The following PEPD variants were observed in gnomAD, a reference collection of about 807,000 sequenced individuals.
The protein encoded by PEPD is peptidase D, also known as xaa-Pro dipeptidase.
A neutral mutation model predicts 60.7 loss-of-function variants in PEPD; 53 were observed. The observed-to-expected ratio is 0.87, with a 90% confidence interval of 0.70 to 1.10. The LOEUF (loss-of-function observed/expected upper bound fraction) is 1.10, where lower values mean the gene tolerates loss of function less well. Among genes scored for constraint, PEPD ranks in the 50% least tolerant of loss-of-function variants. The pLI, the probability that PEPD is intolerant of heterozygous loss-of-function variation, is 0.00. For missense variants in PEPD, 711 were observed against 711.9 expected (o/e 1.00, Z 0.01); for synonymous variants, 267 against 284.1 (o/e 0.94, Z 0.60).
At chr19:33,412,953 C>T (rs1968810247) in intron 10 of PEPD, among the ~76,000 whole-genome samples, 1 of 152,232 alleles carries the variant, frequency 6.6e-6, no homozygotes, top group African/African-American at 2.4e-5. Flanking sequence ...GCAATGATCC[C>T]ATATCACTGT....
intron 3 of PEPD, among the ~76,000 whole-genome samples, chr19:33,504,008 C>T (rs969550628): frequency 6.6e-6 from 1 of 152,160 alleles, no homozygotes; most frequent in Non-Finnish European, 1.5e-5. Context: ...GCCTCCCAAG[C>T]CAGAGGTCTG....
intron 12 of PEPD, among the ~76,000 whole-genome samples, chr19:33,398,321 G>A (rs1968413688): frequency 6.6e-6 from 1 of 152,242 alleles, no homozygotes; most frequent in African/African-American, 2.4e-5. Context: ...CTTGCAGCCT[G>A]GGGCTCTGAC....
chr19:33,461,493 C>A (rs1397742566), intron 9 of PEPD, among the ~76,000 whole-genome samples: 2 of 152,040 alleles, frequency 1.3e-5, no homozygotes, highest in African/African-American at 4.8e-5. Context: ...GGGAGCAGGA[C>A]TGCCTGCAGC....
At chr19:33,397,478 C>A (rs1968392030) in intron 12 of PEPD, among the ~76,000 whole-genome samples, 1 of 152,104 alleles carries the variant, frequency 6.6e-6, no homozygotes, top group Non-Finnish European at 1.5e-5. Flanking sequence ...AGGCGACCTG[C>A]CCCATCCGGA....
chr19:33,401,889 G>T lies in PEPD; in HGVS notation c.819-20C>A. Reference sequence around the variant, plus strand: ...AACAGGCTGCGGAGAGAGGAAGGCAGGGCAAGTGGGTACTGGGGTGCCACC... The same window carrying T: ...AACAGGCTGCGGAGAGAGGAAGGCATGGCAAGTGGGTACTGGGGTGCCACC... On this transcript the variant is annotated intron_variant, in intron 11 of 14. Coordinates refer to ENST00000244137, the MANE Select transcript of PEPD (RefSeq NM_000285.4). The T allele has an allele frequency of 1.2e-6, 2 of 1,611,898 alleles. No individual in the cohort carries two copies. Among genetic ancestry groups the T allele is most frequent in the Non-Finnish European group, 1.7e-6 (2 of 1,179,366 alleles).
At chr19:33,518,118 C>T (rs1017807932) in intron 1 of PEPD, among the ~76,000 whole-genome samples, 6 of 152,282 alleles carry the variant, frequency 3.9e-5, no homozygotes, top group East Asian at 1.9e-4. Context: ...GGCACCAGAC[C>T]GTAAGCGCCA....
chr19:33,498,258 C>T (rs377247626), intron 4 of PEPD, among the ~76,000 whole-genome samples: 18 of 152,096 alleles, frequency 1.2e-4, no homozygotes, highest in Admixed American at 9.2e-4. Context: ...GGGGTGCTCC[C>T]GAACCCTAAA....
intron 1 of PEPD, 87 bp downstream of exon 1, chr19:33,521,657 G>T (rs1023502949): frequency 2.8e-6 from 4 of 1,407,050 alleles, no homozygotes; most frequent in South Asian, 2.5e-5. Context: ...CAGCGACCCC[G>T]GCTGACGCTC....
chr19:33,486,481 C>A (rs932191486), intron 6 of PEPD, among the ~76,000 whole-genome samples: 4 of 152,168 alleles, frequency 2.6e-5, no homozygotes, highest in African/African-American at 9.6e-5. Context: ...GTCATCACAC[C>A]GAGCCACATC....
At chr19:33,413,935 C>G (rs1302147398) in intron 9 of PEPD, among the ~76,000 whole-genome samples, 1 of 152,224 alleles carries the variant, frequency 6.6e-6, no homozygotes, top group Non-Finnish European at 1.5e-5. Flanking sequence ...CGAGTGGCTT[C>G]CCAGGCACAT....
chr19:33,453,317 A>AAAAAAAAATAAT (rs1555762504), intron 9 of PEPD, among the ~76,000 whole-genome samples: 34 of 148,656 alleles, frequency 2.3e-4, no homozygotes, highest in Non-Finnish European at 4.2e-4. Flanking sequence ...CTGTCATAAA[A>AAAAAAAAATAAT]AAATAAATAA....
intron 9 of PEPD, among the ~76,000 whole-genome samples, chr19:33,459,980 G>A (rs1036267231): frequency 9.9e-5 from 15 of 152,114 alleles, no homozygotes; most frequent in African/African-American, 3.1e-4. Flanking sequence ...AAGAGCGGCT[G>A]GTTTCCTTTG....
At chr19:33,484,934 T>C (rs1395318225) in intron 6 of PEPD, among the ~76,000 whole-genome samples, 1 of 152,188 alleles carries the variant, frequency 6.6e-6, no homozygotes, top group East Asian at 1.9e-4. Flanking sequence ...CATGTATTAA[T>C]CGTGTAAAAG....
chr19:33,500,903 C>G (rs1242964469), intron 4 of PEPD, 35 bp downstream of exon 4: 4 of 1,268,152 alleles, frequency 3.2e-6, no homozygotes, highest in Non-Finnish European at 4.6e-6. Context: ...ATGCTGGAAG[C>G]CCTGGGCTGC....
chr19:33,431,327 C>T (rs971742703), intron 9 of PEPD, among the ~76,000 whole-genome samples: 12 of 152,182 alleles, frequency 7.9e-5, no homozygotes, highest in African/African-American at 2.9e-4. Context: ...GAAACTCTAC[C>T]ATGGGTTGAA....
rs111522530 is a variant in PEPD, at chr19:33,492,518, G to T, written c.441+772C>A. 3.7e-4 allele frequency among the ~76,000 whole-genome samples: 56 copies of T among 152,232 alleles called. 1 individual carries two copies. Among genetic ancestry groups the T allele is most frequent in the African/African-American group, 1.2e-3 (51 of 41,540 alleles). ...ATACATGAGCTATCCATCACCTCAA[G>T]CATTTATCCTTTCTGTTACAATCCA... On this transcript the variant is annotated intron_variant, in intron 5 of 14. Coordinates refer to ENST00000244137, the MANE Select transcript of PEPD (RefSeq NM_000285.4).
At chr19:33,439,062 TCTC>T (rs1969433774) in intron 9 of PEPD, among the ~76,000 whole-genome samples, 1 of 152,128 alleles carries the variant, frequency 6.6e-6, no homozygotes, top group Non-Finnish European at 1.5e-5. Flanking sequence ...GTGGCACAGT[TCTC>T]CTCCCTGGCA....
At chr19:33,431,967 T>C (rs1969282421) in intron 9 of PEPD, among the ~76,000 whole-genome samples, 1 of 117,284 alleles carries the variant, frequency 8.5e-6, no homozygotes, top group South Asian at 2.8e-4. Flanking sequence ...CACTCCAGCC[T>C]GGGTAACAGA....
chr19:33,503,222 G>GA (rs892444229), intron 3 of PEPD, among the ~76,000 whole-genome samples: 6 of 152,184 alleles, frequency 3.9e-5, no homozygotes, highest in African/African-American at 1.4e-4. Context: ...CGGCTGCAGG[G>GA]AGCAACAACA....
Sources: allele counts gnomAD v4.1 joint callset (sites outside exome capture counted in the v4.1 genomes callset), GRCh38; gene constraint gnomAD v4.1.1; transcripts MANE v1.5; gene names NCBI Gene and HGNC (gene_info 2026-07-23, HGNC 2026-07-21).